The following GLRA3 variants were observed in gnomAD, a reference collection of about 807,000 sequenced individuals.
GLRA3 encodes the protein glycine receptor subunit alpha-3.
In GLRA3, 44 loss-of-function variants were observed where a neutral mutation model predicts 60.4. The observed-to-expected ratio is 0.73, with a 90% CI of 0.57 to 0.94. The LOEUF (loss-of-function observed/expected upper bound fraction) is 0.94, where lower values mean the gene tolerates loss of function less well. Among genes scored for constraint, GLRA3 ranks in the 40% least tolerant of loss-of-function variants. The probability of loss-of-function intolerance (pLI) is 0.00; values close to 1 mark genes in which losing one functional copy is unlikely to be tolerated. For synonymous variants in GLRA3, 223 were observed against 192.9 expected (o/e 1.16, Z -1.29); for missense variants, 508 against 564.6 (o/e 0.90, Z 1.02).
chr4:174,751,908 A>T (rs1737503713), intron 3 of GLRA3, among the ~76,000 whole-genome samples: 1 of 152,074 alleles, frequency 6.6e-6, no homozygotes, highest in Non-Finnish European at 1.5e-5. Context: ...CGGGGAGGGC[A>T]ATTAGGGAAA....
chr4:174,712,034 T>A (rs1200163546), intron 5 of GLRA3, among the ~76,000 whole-genome samples: 2 of 152,106 alleles, frequency 1.3e-5, no homozygotes, highest in East Asian at 3.9e-4. Flanking sequence ...TCATACTTTT[T>A]TTTTCTCATC....
chr4:174,701,027 T>C (rs111888528), intron 5 of GLRA3, among the ~76,000 whole-genome samples: 131 of 152,258 alleles, frequency 8.6e-4, no homozygotes, highest in African/African-American at 3.0e-3. Flanking sequence ...AGATAATTGA[T>C]GAAGGTGGAC....
At chr4:174,739,343 T>C (rs1002365803) in intron 3 of GLRA3, among the ~76,000 whole-genome samples, 2 of 152,176 alleles carry the variant, frequency 1.3e-5, no homozygotes, top group African/African-American at 2.4e-5. Flanking sequence ...TTCAGTAATG[T>C]AGAAAACAGA....
At chr4:174,809,558 C>T (rs1051319591) in intron 1 of GLRA3, among the ~76,000 whole-genome samples, 1 of 152,002 alleles carries the variant, frequency 6.6e-6, no homozygotes, top group Non-Finnish European at 1.5e-5. Context: ...CATGGCGAAA[C>T]CCCATCTCTA....
chr4:174,758,473 C>T (rs745351952), intron 3 of GLRA3, among the ~76,000 whole-genome samples: 1 of 152,020 alleles, frequency 6.6e-6, no homozygotes, highest in Non-Finnish European at 1.5e-5. Context: ...CTGACTAATA[C>T]TCAGGTTGAG....
At chr4:174,685,730 C>A (rs188578210) in intron 5 of GLRA3, among the ~76,000 whole-genome samples, 1 of 151,804 alleles carries the variant, frequency 6.6e-6, no homozygotes, top group East Asian at 1.9e-4. Context: ...ACCATTTTAC[C>A]GAGAAAGTAG....
At chr4:174,768,126 C>G (rs987297355) in intron 2 of GLRA3, among the ~76,000 whole-genome samples, 2 of 152,070 alleles carry the variant, frequency 1.3e-5, no homozygotes, top group African/African-American at 4.8e-5. Flanking sequence ...ACTGACAAAG[C>G]TCTGGGGATG....
chr4:174,732,831 G>A (rs899880253), intron 3 of GLRA3, among the ~76,000 whole-genome samples: 2 of 151,982 alleles, frequency 1.3e-5, no homozygotes, highest in Middle Eastern at 3.4e-3. Context: ...ATGTGTATGT[G>A]TGTGTATATA....
chr4:174,689,269 T>C (rs951361906), intron 5 of GLRA3, among the ~76,000 whole-genome samples: 17 of 152,192 alleles, frequency 1.1e-4, no homozygotes, highest in African/African-American at 3.9e-4. Flanking sequence ...AATCTAAGTA[T>C]GTATACACAT....
intron 3 of GLRA3, among the ~76,000 whole-genome samples, chr4:174,739,950 A>G (rs1736949119): frequency 6.6e-6 from 1 of 152,278 alleles, no homozygotes; most frequent in East Asian, 1.9e-4. Flanking sequence ...CCCTTTCCCT[A>G]TTGAATGGGA....
At chr4:174,754,761 T>G (rs908510420) in intron 3 of GLRA3, among the ~76,000 whole-genome samples, 1 of 152,114 alleles carries the variant, frequency 6.6e-6, no homozygotes, top group Non-Finnish European at 1.5e-5. Flanking sequence ...GTGATAAAAA[T>G]TACTGTAAAA....
At chr4:174,819,418 T>C (rs6824735) in intron 1 of GLRA3, among the ~76,000 whole-genome samples, 96,218 of 152,002 alleles carry the variant, frequency 0.63, 31,358 homozygotes, top group Non-Finnish European at 0.72. Flanking sequence ...TCCATGAAGT[T>C]TGCCATATTC....
In GLRA3 at chr4:174,684,719, T is replaced by C. The variant is rs1390068659; in HGVS notation, c.575-1780A>G. Among the ~76,000 whole-genome samples the C allele has an allele frequency of 2.0e-5, 3 of 151,972 alleles. No homozygotes were observed. In the East Asian group the frequency reaches 5.8e-4, roughly 29 times the overall value. On this transcript the variant is annotated intron_variant, in intron 5 of 9. Transcript: ENST00000274093. ...GAACCAAGTCAAATGGTCGGTATGTTAAAAGCGCTTGGGCGCAGTGTCTCA... is the reference window on the plus strand; with the variant it reads ...GAACCAAGTCAAATGGTCGGTATGTCAAAAGCGCTTGGGCGCAGTGTCTCA...
intron 9 of GLRA3, among the ~76,000 whole-genome samples, chr4:174,650,746 CTG>C (rs1732995116): frequency 6.6e-6 from 1 of 152,168 alleles, no homozygotes; most frequent in African/African-American, 2.4e-5. Context: ...TAAAAAAATT[CTG>C]TGTGACAATG....
intron 5 of GLRA3, among the ~76,000 whole-genome samples, chr4:174,709,924 C>T (rs1213527494): frequency 6.6e-6 from 1 of 150,690 alleles, no homozygotes; most frequent in Non-Finnish European, 1.5e-5. Context: ...GCAGCTAATA[C>T]ATTTTTATAC....
chr4:174,784,482 A>AG (rs1739037184), intron 2 of GLRA3, among the ~76,000 whole-genome samples: 1 of 76,248 alleles, frequency 1.3e-5, no homozygotes, highest in Non-Finnish European at 3.3e-5. Context: ...AAAAAAATAC[A>AG]AAAAAAAAAC....
At position 174,638,391 on chromosome 4, in the gene GLRA3, C is replaced by T. The variant is rs1037626435; in HGVS notation, c.*5395G>A. On this transcript the variant is annotated 3_prime_UTR_variant, in exon 10 of 10. Coordinates refer to ENST00000274093, the MANE Select transcript of GLRA3 (RefSeq NM_006529.4). ...CACTGCAACCTCCATCTCCTGGGCT[C>T]AAGCCATTCTTCCACCTCAGCCTCC... 2.0e-5 allele frequency: 3 copies of T among 152,250 alleles called. No homozygotes were observed. Among genetic ancestry groups the T allele is most frequent in the African/African-American group, 7.2e-5 (3 of 41,452 alleles). 9.4% of individuals were successfully genotyped at this position (152,250 alleles called of 1,614,324 possible).
At chr4:174,694,786 G>T (rs1275585199) in intron 5 of GLRA3, among the ~76,000 whole-genome samples, 1 of 151,904 alleles carries the variant, frequency 6.6e-6, no homozygotes, top group African/African-American at 2.4e-5. Context: ...CGAAAGCCAG[G>T]AGTTGTTTTT....
intron 1 of GLRA3, among the ~76,000 whole-genome samples, chr4:174,815,115 A>G (rs1740431830): frequency 6.6e-6 from 1 of 152,210 alleles, no homozygotes; most frequent in Non-Finnish European, 1.5e-5. Flanking sequence ...GAGCAAAACA[A>G]AAAGGCTAGA....
Sources: allele counts gnomAD v4.1 joint callset (sites outside exome capture counted in the v4.1 genomes callset), GRCh38; gene constraint gnomAD v4.1.1; transcripts MANE v1.5; gene names NCBI Gene and HGNC (gene_info 2026-07-23, HGNC 2026-07-21).